Variants in CDH2 observed in about 807,000 individuals in gnomAD.
CDH2 encodes cadherin 2.
In CDH2, 17 loss-of-function variants were observed where a neutral mutation model predicts 92.0. The observed-to-expected ratio is 0.18, with a 90% confidence interval of 0.13 to 0.28. CDH2 has a LOEUF of 0.28. Ranked by LOEUF, CDH2 falls within the 10% of genes least tolerant of loss-of-function variation. The pLI is 1.00. For missense variants in CDH2, 862 were observed against 1,133.1 expected, an observed-to-expected ratio of 0.76 and a Z score of 3.44; for synonymous variants, 419 against 415.9, an observed-to-expected ratio of 1.01 and a Z score of -0.09.
intron 14 of CDH2, among the ~76,000 whole-genome samples, chr18:27,968,390 G>T (rs948726742): frequency 1.3e-5 from 2 of 152,170 alleles, no homozygotes; most frequent in African/African-American, 4.8e-5. Flanking sequence ...TTTACTGAGG[G>T]GGAAAACATC....
rs756371649 is a variant in CDH2 at position 28,147,659 on chromosome 18, T to C, written c.172+14A>G. On this transcript the variant is annotated intron_variant, in intron 2 of 15. Coordinates refer to ENST00000269141, the MANE Select transcript of CDH2 (RefSeq NM_001792.5). ...TGGACACTGCATGTACAAATATATC[T>C]TTTGAGATAGTACCATTGAGAAGAG... 1.3e-6 allele frequency: 2 copies of C among 1,498,080 alleles called. No individual in the cohort carries two copies. The highest frequency in any genetic ancestry group is 2.8e-5 in the African/African-American group (2 of 72,352). The allele number at this position is 1,498,080 out of a possible 1,614,324, so 92.8% of individuals were successfully genotyped here.
intron 2 of CDH2, among the ~76,000 whole-genome samples, chr18:28,024,537 C>A (rs1413264383): frequency 6.6e-6 from 1 of 150,598 alleles, no homozygotes; most frequent in African/African-American, 2.4e-5. Flanking sequence ...TAAAAAGCTT[C>A]AAAATTAAAC....
chr18:28,036,433 C>T (rs2013829657), intron 2 of CDH2: 1 of 928,770 alleles, frequency 1.1e-6, no homozygotes, highest in Admixed American at 1.8e-5. Context: ...TTAACTAAAT[C>T]ACCATGTTAT....
At chr18:27,941,046 T>TC (rs1909125336) in intron 6 of CDH2, among the ~76,000 whole-genome samples, 1 of 150,066 alleles carries the variant, frequency 6.7e-6, no homozygotes, top group African/African-American at 2.5e-5. Flanking sequence ...TTTTTTTTTT[T>TC]TTTTTTTGAG....
chr18:28,067,527 TTC>T (rs1393422451), intron 2 of CDH2, among the ~76,000 whole-genome samples: 5 of 152,206 alleles, frequency 3.3e-5, no homozygotes, highest in African/African-American at 1.2e-4. Flanking sequence ...GCACAGTGTT[TTC>T]AAGTTTCATC....
intron 2 of CDH2, among the ~76,000 whole-genome samples, chr18:28,105,065 T>C (rs2015299997): frequency 6.6e-6 from 1 of 152,144 alleles, no homozygotes; most frequent in Admixed American, 6.5e-5. Context: ...ACCCTTCTTA[T>C]ACTATTCTAG....
At chr18:28,156,169 T>C (rs1391971954) in intron 1 of CDH2, among the ~76,000 whole-genome samples, 1 of 152,218 alleles carries the variant, frequency 6.6e-6, no homozygotes. Context: ...AATTATCTTA[T>C]TAGGATGTGT....
At chr18:28,146,559 T>G (rs1002066860) in intron 2 of CDH2, 1 of 151,982 alleles carries the variant, frequency 6.6e-6, no homozygotes, top group Non-Finnish European at 1.5e-5. Context: ...AAAATCAACT[T>G]CAGAAAGACA....
At chr18:27,960,597 G>GA (rs1445491937) in intron 15 of CDH2, among the ~76,000 whole-genome samples, 1 of 152,186 alleles carries the variant, frequency 6.6e-6, no homozygotes, top group Non-Finnish European at 1.5e-5. Flanking sequence ...TAGCAACAAA[G>GA]TAGGGTATAC....
chr18:28,063,686 T>C (rs747760534), intron 2 of CDH2, among the ~76,000 whole-genome samples: 3 of 152,296 alleles, frequency 2.0e-5, no homozygotes, highest in Non-Finnish European at 4.4e-5. Context: ...CCGGTAATGA[T>C]CTACAGCAGG....
At chr18:28,089,932 A>G (rs1360300282) in intron 2 of CDH2, among the ~76,000 whole-genome samples, 1 of 152,180 alleles carries the variant, frequency 6.6e-6, no homozygotes, top group Non-Finnish European at 1.5e-5. Flanking sequence ...AGAATCTTCC[A>G]TATCCACGTG....
intron 2 of CDH2, among the ~76,000 whole-genome samples, chr18:28,072,060 T>C (rs1353276443): frequency 2.6e-5 from 4 of 152,154 alleles, no homozygotes; most frequent in Non-Finnish European, 4.4e-5. Flanking sequence ...ATAGCAATGT[T>C]TGACAGAGAA....
intron 3 of CDH2, among the ~76,000 whole-genome samples, chr18:28,013,250 C>T (rs17493689): frequency 6.4e-4 from 98 of 152,256 alleles, no homozygotes; most frequent in African/African-American, 2.2e-3. Context: ...TACCCCCCAA[C>T]TGGATTATTA....
At chr18:28,172,439 T>A (rs555929666) in intron 1 of CDH2, among the ~76,000 whole-genome samples, 2 of 152,294 alleles carry the variant, frequency 1.3e-5, no homozygotes, top group East Asian at 3.9e-4. Context: ...TACATGTATT[T>A]AGTTAAATAC....
At chr18:28,119,054 A>C (rs746477194) in intron 2 of CDH2, among the ~76,000 whole-genome samples, 2 of 152,100 alleles carry the variant, frequency 1.3e-5, no homozygotes, top group Non-Finnish European at 2.9e-5. Context: ...CAATCCAGGG[A>C]ACATAAAGAA....
Position 28,177,070 on chromosome 18 carries a change from G to A in CDH2, c.-48C>T, listed in dbSNP as rs1359428551. 2.2e-6 allele frequency: 3 copies of A among 1,370,006 alleles called. No individual in the cohort carries two copies. The highest frequency in any genetic ancestry group is 2.2e-5 in the Admixed American group (1 of 45,786). 84.9% of individuals were successfully genotyped at this position (1,370,006 alleles called of 1,614,324 possible). Reference sequence around the variant, plus strand: ...AAGAGCCGGAGGAGGCGGCGGCGGCGGCGGCGGCGGCGGAGGAGGAGGAGG... The same window carrying A: ...AAGAGCCGGAGGAGGCGGCGGCGGCAGCGGCGGCGGCGGAGGAGGAGGAGG... On this transcript the variant is annotated 5_prime_UTR_variant, in exon 1 of 16. Transcript: ENST00000269141.
At chr18:27,992,072 A>G (rs546582848) in intron 9 of CDH2, among the ~76,000 whole-genome samples, 2 of 152,336 alleles carry the variant, frequency 1.3e-5, no homozygotes, top group East Asian at 3.9e-4. Context: ...AATAGCATTT[A>G]AAAACAGCCA....
chr18:28,005,957 C>A lies in CDH2; in HGVS notation c.739G>T (p.Val247Leu). ...AHAVDINGNQ[V>L]ENPIDIVINV... ...ATGACAATGTCAATGGGGTTCTCCACTTGATTTCCATTAATATCTACTGCA... is the reference window on the plus strand; with the variant it reads ...ATGACAATGTCAATGGGGTTCTCCAATTGATTTCCATTAATATCTACTGCA... The change falls in exon 6 of 16, where the codon GTG (valine) becomes TTG (leucine). Residue 247 changes from valine (V) to leucine (L), a missense_variant. By Grantham distance (32) the Val-to-Leu change is conservative. Transcript: ENST00000269141. 6.2e-7 allele frequency: 1 copy of A among 1,612,066 alleles called. No individual in the cohort carries two copies. Among genetic ancestry groups the A allele is most frequent in the South Asian group, 1.1e-5 (1 of 91,010 alleles).
At chr18:27,994,939 A>G (rs2012533097) in intron 7 of CDH2, among the ~76,000 whole-genome samples, 1 of 152,192 alleles carries the variant, frequency 6.6e-6, no homozygotes, top group Admixed American at 6.6e-5. Context: ...TTTGAATTAA[A>G]AAACACACAC....
Sources: gnomAD v4.1 joint callset for allele counts (sites outside exome capture counted in the v4.1 genomes callset) on GRCh38, gnomAD v4.1.1 for gene constraint, MANE v1.5 for transcripts, NCBI Gene and HGNC (gene_info 2026-07-23, HGNC 2026-07-21) for gene names.